Variants in ACOXL observed in about 807,000 individuals in gnomAD.
ACOXL encodes the protein acyl-coenzyme A oxidase-like protein.
In ACOXL, 70 loss-of-function variants were observed where a neutral mutation model predicts 71.9. The observed-to-expected ratio is 0.97, with a 90% CI of 0.80 to 1.19. The LOEUF is 1.19. Ranked by LOEUF, ACOXL falls within the 50% of genes most tolerant of loss-of-function variation. The pLI is 0.00. For missense variants in ACOXL, 703 were observed against 736.3 expected (o/e 0.95, Z 0.52); for synonymous variants, 253 against 281.6 (o/e 0.90, Z 1.02).
intron 2 of ACOXL, among the ~76,000 whole-genome samples, chr2:110,775,678 C>T (rs1682546455): frequency 1.3e-5 from 2 of 152,092 alleles, no homozygotes; most frequent in African/African-American, 2.4e-5. Context: ...ATACAAATCA[C>T]AACCACAATG....
chr2:111,069,871 G>A (rs909827370), intron 16 of ACOXL, among the ~76,000 whole-genome samples: 3 of 151,990 alleles, frequency 2.0e-5, no homozygotes, highest in African/African-American at 4.8e-5. Context: ...GCAAAGCTGT[G>A]CTTTTTGAAT....
rs1180652655 is a variant in ACOXL at position 111,092,939 on chromosome 2, C to T, written c.1515C>T (p.Pro505=). The change falls in exon 17 of 18, where the codon CCC becomes CCT. Residue 505 remains proline, a synonymous_variant. Transcript: ENST00000439055. ...ATTTAGAACATAAATACTTGACTCCCATGGCCAGCACGAGGATCAGGAATC... is the reference window on the plus strand; with the variant it reads ...ATTTAGAACATAAATACTTGACTCCTATGGCCAGCACGAGGATCAGGAATC... ...AWYLEHKYLT[P]MASTRIRNQL... The T allele has an allele frequency of 6.2e-7, 1 of 1,613,920 alleles. No homozygotes were observed. Among genetic ancestry groups the T allele is most frequent in the Non-Finnish European group, 8.5e-7 (1 of 1,179,994 alleles).
At chr2:110,755,339 A>G (rs1679526295) in intron 1 of ACOXL, among the ~76,000 whole-genome samples, 1 of 152,246 alleles carries the variant, frequency 6.6e-6, no homozygotes, top group Non-Finnish European at 1.5e-5. Flanking sequence ...CCAAGAAGAC[A>G]TAAAAGAGAA....
intron 2 of ACOXL, 86 bp from the exon 3 acceptor site, chr2:110,784,646 T>G: frequency 1.0e-6 from 1 of 977,186 alleles, no homozygotes; most frequent in Non-Finnish European, 1.5e-6. Context: ...ATTATAAAAG[T>G]AACATGCATT....
intron 12 of ACOXL, among the ~76,000 whole-genome samples, chr2:110,980,833 G>A (rs2062676394): frequency 6.6e-6 from 1 of 152,214 alleles, no homozygotes; most frequent in Non-Finnish European, 1.5e-5. Flanking sequence ...GAAAGCCTTT[G>A]TTGCTGCTAC....
chr2:110,871,529 C>T (rs1008290626), intron 10 of ACOXL, among the ~76,000 whole-genome samples: 14 of 151,876 alleles, frequency 9.2e-5, no homozygotes, highest in South Asian at 6.3e-4. Flanking sequence ...ACATCCTTGC[C>T]GTAATCTTAC....
At chr2:110,774,936 T>C (rs1286231891) in intron 2 of ACOXL, among the ~76,000 whole-genome samples, 1 of 152,194 alleles carries the variant, frequency 6.6e-6, no homozygotes, top group African/African-American at 2.4e-5. Flanking sequence ...AAAGCTACTA[T>C]AATCAAAACT....
chr2:110,828,269 G>A (rs1689402563), intron 9 of ACOXL, among the ~76,000 whole-genome samples: 1 of 152,176 alleles, frequency 6.6e-6, no homozygotes, highest in South Asian at 2.1e-4. Context: ...ACTATGCTCA[G>A]CCTATTTTCC....
chr2:111,099,572 C>T (rs956673246), intron 17 of ACOXL: 9 of 152,198 alleles, frequency 5.9e-5, no homozygotes, highest in Admixed American at 3.3e-4. Flanking sequence ...GACCTTGGCT[C>T]GAAGGCCAGT....
intron 15 of ACOXL, among the ~76,000 whole-genome samples, chr2:111,045,186 A>G (rs935152044): frequency 1.3e-5 from 2 of 152,216 alleles, no homozygotes; most frequent in African/African-American, 4.8e-5. Context: ...TGTTGGCACT[A>G]GTTTGGCTGT....
intron 12 of ACOXL, chr2:110,968,350 G>A: frequency 8.7e-7 from 1 of 1,146,574 alleles, no homozygotes; most frequent in African/African-American, 1.5e-5. Context: ...AGGCTCATCT[G>A]TCTCTCATAG....
At chr2:111,007,553 G>T (rs1464967303) in intron 14 of ACOXL, among the ~76,000 whole-genome samples, 2 of 152,174 alleles carry the variant, frequency 1.3e-5, no homozygotes, top group African/African-American at 4.8e-5. Flanking sequence ...AGCTCCTTCA[G>T]GTTGGCCCCT....
At chr2:110,983,321 G>T (rs1370091630) in intron 12 of ACOXL, among the ~76,000 whole-genome samples, 1 of 152,212 alleles carries the variant, frequency 6.6e-6, no homozygotes, top group Non-Finnish European at 1.5e-5. Context: ...TTTTATTGGT[G>T]TTACATAATC....
At chr2:110,808,858 C>A (rs901323321) in intron 9 of ACOXL, among the ~76,000 whole-genome samples, 13 of 152,258 alleles carry the variant, frequency 8.5e-5, no homozygotes, top group African/African-American at 2.9e-4. Flanking sequence ...GGTTCTGTCT[C>A]CTTCACTAGC....
intron 16 of ACOXL, among the ~76,000 whole-genome samples, chr2:111,057,977 C>CAG (rs5833384): frequency 0.88 from 134,260 of 152,228 alleles, 59,391 homozygotes; most frequent in African/African-American, 0.95. Context: ...GAGTCTAGCA[C>CAG]GGCTTGCGGG....
intron 15 of ACOXL, among the ~76,000 whole-genome samples, chr2:111,035,717 C>CTG (rs1318755160): frequency 6.6e-6 from 1 of 152,038 alleles, no homozygotes; most frequent in African/African-American, 2.4e-5. Context: ...TTTCAGACTC[C>CTG]TCTCAAGGAT....
chr2:110,973,944 G>C (rs2062330450), intron 12 of ACOXL, among the ~76,000 whole-genome samples: 1 of 152,168 alleles, frequency 6.6e-6, no homozygotes, highest in South Asian at 2.1e-4. Flanking sequence ...GTGCTGGGGA[G>C]GGTCAGCCTG....
chr2:111,099,884 A>T lies in ACOXL; in HGVS notation c.1542+6918A>T, dbSNP rs887338975. On this transcript the variant is annotated intron_variant, in intron 17 of 17. Transcript: ENST00000439055. ...GTATATCTCCATTAAAACTGACTTC[A>T]TTTTGCTTTTTAAAAAATAAAGCAA... 10 of 152,354 alleles carry T rather than the reference A, an allele frequency of 6.6e-5. No individual in the cohort carries two copies. In the East Asian group the frequency reaches 1.9e-3, roughly 29 times the overall value. The allele number at this position is 152,354 out of a possible 1,614,324, so 9.4% of individuals were successfully genotyped here. A position where few individuals can be genotyped will look rare whatever the true frequency, so the allele number is the denominator to read the frequency against.
intron 16 of ACOXL, among the ~76,000 whole-genome samples, chr2:111,059,865 TGAG>T (rs1225964323): frequency 1.9e-4 from 25 of 132,948 alleles, no homozygotes; most frequent in East Asian, 6.6e-4. Flanking sequence ...AGGAGGTAAA[TGAG>T]GAGGAGGATA....
Sources: allele counts gnomAD v4.1 joint callset (sites outside exome capture counted in the v4.1 genomes callset), GRCh38; gene constraint gnomAD v4.1.1; transcripts MANE v1.5; gene names NCBI Gene and HGNC (gene_info 2026-07-23, HGNC 2026-07-21).